The following KLC1 variants were observed in gnomAD, a reference collection of about 807,000 sequenced individuals.
KLC1 encodes the protein kinesin light chain 1.
KLC1 carries 30 observed loss-of-function variants against 84.2 expected under a neutral mutation model. The observed-to-expected ratio is 0.36, with a 90% CI of 0.27 to 0.48. KLC1 has a LOEUF of 0.48. Among genes scored for constraint, KLC1 ranks in the 20% least tolerant of loss-of-function variants. The probability of loss-of-function intolerance (pLI) is 0.99; values close to 1 mark genes in which losing one functional copy is unlikely to be tolerated. For synonymous variants in KLC1, 289 were observed against 293.3 expected, an observed-to-expected ratio of 0.99 and a Z score of 0.15; for missense variants, 499 against 805.4, an observed-to-expected ratio of 0.62 and a Z score of 4.60.
At chr14:103,658,525 TCA>T (rs2151531809) in intron 3 of KLC1, among the ~76,000 whole-genome samples, 1 of 146,438 alleles carries the variant, frequency 6.8e-6, no homozygotes, top group Admixed American at 6.9e-5. Context: ...TCTGCCCACC[TCA>T]GCCTCCCAAA....
chr14:103,675,168 C>G (rs2080773509), intron 9 of KLC1, among the ~76,000 whole-genome samples: 1 of 152,036 alleles, frequency 6.6e-6, no homozygotes, highest in African/African-American at 2.4e-5. Context: ...ACTAAAAATA[C>G]AAAAAAATTA....
At chr14:103,691,154 A>AT (rs2082085029) in intron 14 of KLC1, among the ~76,000 whole-genome samples, 20 of 75,938 alleles carry the variant, frequency 2.6e-4, no homozygotes, top group African/African-American at 8.3e-4. Flanking sequence ...GGTTCCCCCC[A>AT]CTTTTTTTTT....
chr14:103,700,604 T>C, intron 15 of KLC1, 51 bp from the exon 16 acceptor site: 1 of 1,502,470 alleles, frequency 6.7e-7, no homozygotes, highest in South Asian at 1.1e-5. Flanking sequence ...TGAAGACGCC[T>C]GAGGGCCGCC....
rs560239798 is a variant in KLC1 at position 103,698,902 on chromosome 14, G to A, written c.1849-1753G>A. On this transcript the variant is annotated intron_variant, in intron 15 of 16. Coordinates refer to ENST00000334553, the MANE Select transcript of KLC1 (RefSeq NM_001394837.1). ...GGGGCAGAGAGCACCCGCAGGGTCC[G>A]GGCTGGGCAGCCGAGGGCAGCCTCT... The A allele has an allele frequency of 7.0e-5, 112 of 1,602,208 alleles. No individual in the cohort carries two copies. The Middle Eastern group carries it at 1.0e-3, about 14-fold the overall frequency.
intron 1 of KLC1, among the ~76,000 whole-genome samples, chr14:103,639,374 G>T (rs1012227152): frequency 6.6e-6 from 1 of 151,696 alleles, no homozygotes; most frequent in Non-Finnish European, 1.5e-5. Context: ...CAAGTGATCC[G>T]CCTGCCTCAG....
intron 15 of KLC1, among the ~76,000 whole-genome samples, chr14:103,697,373 C>T (rs1434525463): frequency 6.6e-6 from 1 of 151,882 alleles, no homozygotes; most frequent in Non-Finnish European, 1.5e-5. Flanking sequence ...GTGCCAGCCC[C>T]CCTTCCTCCC....
At chr14:103,699,661 G>A (rs113048186) in intron 15 of KLC1, 402 of 1,411,924 alleles carry the variant, frequency 2.8e-4, no homozygotes, top group Non-Finnish European at 3.6e-4. Flanking sequence ...TCACTCGACC[G>A]TCTGAAAACC....
At chr14:103,656,445 C>G (rs1435427741) in intron 2 of KLC1, among the ~76,000 whole-genome samples, 2 of 152,216 alleles carry the variant, frequency 1.3e-5, no homozygotes, top group East Asian at 1.9e-4. Context: ...ACTTCTGGCT[C>G]TGTCAGCATA....
intron 4 of KLC1, among the ~76,000 whole-genome samples, chr14:103,662,450 C>T (rs2079375543): frequency 6.6e-6 from 1 of 152,000 alleles, no homozygotes; most frequent in African/African-American, 2.4e-5. Flanking sequence ...GTGAAGAGGT[C>T]AGAATTACTT....
rs192026503 is a variant in KLC1 at position 103,631,057 on chromosome 14, A to G, written c.-2+1563A>G. Among the ~76,000 whole-genome samples, 10 of 152,278 alleles carry G rather than the reference A, an allele frequency of 6.6e-5. No homozygotes were observed. In the East Asian group the frequency reaches 1.7e-3, roughly 26 times the overall value. Reference sequence around the variant, plus strand: ...ACAGTATCTTCAGTATTTCATAGCAAATAACTGCAGTCGTTTAAACTTACA... The same window carrying G: ...ACAGTATCTTCAGTATTTCATAGCAGATAACTGCAGTCGTTTAAACTTACA... On this transcript the variant is annotated intron_variant, in intron 1 of 16. Transcript: ENST00000334553.
intron 4 of KLC1, among the ~76,000 whole-genome samples, chr14:103,662,404 C>T (rs1196211448): frequency 2.0e-5 from 3 of 152,194 alleles, no homozygotes; most frequent in East Asian, 3.9e-4. Flanking sequence ...GCGGCATGCA[C>T]GTGCAGTTCA....
At chr14:103,646,285 G>A (rs143380247) in intron 1 of KLC1, among the ~76,000 whole-genome samples, 2 of 152,104 alleles carry the variant, frequency 1.3e-5, no homozygotes, top group Non-Finnish European at 1.5e-5. Context: ...GAATTAAAAG[G>A]ACAGTTTTAG....
rs532397346 is a variant in KLC1, at chr14:103,676,154, C to T, written c.1379+398C>T. ...TGTCCTCTGCAGAGGGAAGTGTAGG[C>T]CCCTCCGTGGCCGGCCCGAGAGCCT... On this transcript the variant is annotated intron_variant, in intron 11 of 16. Coordinates refer to ENST00000334553, the MANE Select transcript of KLC1 (RefSeq NM_001394837.1). 9.5e-4 allele frequency among the ~76,000 whole-genome samples: 144 copies of T among 152,354 alleles called. 1 individual carries two copies. The highest frequency in any genetic ancestry group is 1.8e-3 in the Non-Finnish European group (122 of 68,030).
chr14:103,694,466 A>G lies in KLC1; in HGVS notation c.1848+2041A>G. 1 of 985,372 alleles carries G rather than the reference A, an allele frequency of 1.0e-6. No homozygotes were observed. Among genetic ancestry groups the G allele is most frequent in the South Asian group, 4.7e-5 (1 of 21,282 alleles). The allele number at this position is 985,372 out of a possible 1,614,324, so 61.0% of individuals were successfully genotyped here. On this transcript the variant is annotated intron_variant, in intron 15 of 16. Coordinates refer to ENST00000334553, the MANE Select transcript of KLC1 (RefSeq NM_001394837.1). This position sits in a 1 kb window ranked among gnomAD's most constrained non-coding sequence, Gnocchi z 4.5. ...GCTAACATGGCGTTTCACTTTTTAA[A>G]AGCTTAAGCTTTATGGAATGAGGGA...
chr14:103,637,851 A>C (rs1002849057), intron 1 of KLC1, among the ~76,000 whole-genome samples: 4 of 152,082 alleles, frequency 2.6e-5, no homozygotes, highest in African/African-American at 9.7e-5. Flanking sequence ...TGTGCGCACC[A>C]CCATGACCGG....
At chr14:103,635,997 G>A (rs150683836) in intron 1 of KLC1, among the ~76,000 whole-genome samples, 11 of 152,048 alleles carry the variant, frequency 7.2e-5, no homozygotes, top group Admixed American at 1.3e-4. Flanking sequence ...GGGAAACCTC[G>A]CGCCACTTCA....
chr14:103,670,938 G>C (rs1168807075), intron 7 of KLC1, among the ~76,000 whole-genome samples: 1 of 151,826 alleles, frequency 6.6e-6, no homozygotes, highest in Non-Finnish European at 1.5e-5. Flanking sequence ...AAAAAGAAAA[G>C]AAGGTCCAGT....
rs1223254566 is a variant in KLC1 at position 103,692,436 on chromosome 14, T to C, written c.1848+11T>C. Reference sequence around the variant, plus strand: ...GAAGATCGCTTTCAAGTAAGGAGCCTACCCCGAATTGTGTCCTAGGCTGCC... The same window carrying C: ...GAAGATCGCTTTCAAGTAAGGAGCCCACCCCGAATTGTGTCCTAGGCTGCC... On this transcript the variant is annotated intron_variant, in intron 15 of 16. Coordinates refer to ENST00000334553, the MANE Select transcript of KLC1 (RefSeq NM_001394837.1). The C allele has an allele frequency of 1.3e-6, 2 of 1,536,274 alleles. No homozygotes were observed. Among genetic ancestry groups the C allele is most frequent in the Non-Finnish European group, 1.7e-6 (2 of 1,146,742 alleles).
intron 15 of KLC1, among the ~76,000 whole-genome samples, chr14:103,692,857 C>T (rs971887700): frequency 3.9e-5 from 6 of 152,222 alleles, no homozygotes; most frequent in African/African-American, 1.4e-4. Flanking sequence ...AACATGATGA[C>T]TAGCGTGCTG....
Sources: gnomAD v4.1 joint callset for allele counts (sites outside exome capture counted in the v4.1 genomes callset) on GRCh38, gnomAD v4.1.1 for gene constraint, Gnocchi (gnomAD v3.1) non-coding constraint, MANE v1.5 for transcripts, NCBI Gene and HGNC (gene_info 2026-07-23, HGNC 2026-07-21) for gene names.